The following TMTC2 variants were observed in gnomAD, a reference collection of about 807,000 sequenced individuals.
TMTC2 encodes the protein transmembrane O-mannosyltransferase targeting cadherins 2, also known as protein O-mannosyl-transferase TMTC2.
TMTC2 carries 43 observed loss-of-function variants against 82.4 expected under a neutral mutation model. That is an observed-to-expected ratio of 0.52 (90% CI 0.41 to 0.67). The LOEUF (loss-of-function observed/expected upper bound fraction) is 0.67. TMTC2 is among the 30% of genes least tolerant of loss of function. The pLI is 0.00. For missense variants in TMTC2, 919 were observed against 1,012.4 expected (o/e 0.91, Z 1.25); for synonymous variants, 408 against 381.9 (o/e 1.07, Z -0.80).
At chr12:82,688,564 A>G (rs774662622) in intron 1 of TMTC2, among the ~76,000 whole-genome samples, 7 of 152,202 alleles carry the variant, frequency 4.6e-5, no homozygotes, top group Non-Finnish European at 7.3e-5. Flanking sequence ...GAAAATTCCA[A>G]TTTGTGTCCT....
chr12:82,997,384 GTA>G (rs774148150), intron 8 of TMTC2, among the ~76,000 whole-genome samples: 1 of 29,702 alleles, frequency 3.4e-5, no homozygotes, highest in African/African-American at 7.8e-5. Flanking sequence ...ATATATATGT[GTA>G]TATATATATG....
chr12:83,086,458 G>A (rs543030126), intron 11 of TMTC2, among the ~76,000 whole-genome samples: 19 of 152,300 alleles, frequency 1.2e-4, no homozygotes, highest in East Asian at 3.9e-4. Flanking sequence ...CTTGATGGGC[G>A]TTGGTTCTGT....
At chr12:83,089,847 CAAAAAAA>C (rs200273951) in intron 11 of TMTC2, among the ~76,000 whole-genome samples, 8,272 of 135,780 alleles carry the variant, frequency 0.061, 339 homozygotes, top group East Asian at 0.23. Context: ...AAACAAAAAA[CAAAAAAA>C]AAAAAACTAT....
chr12:83,076,968 A>G (rs1470980502), intron 11 of TMTC2, among the ~76,000 whole-genome samples: 14 of 152,244 alleles, frequency 9.2e-5, no homozygotes, highest in African/African-American at 2.9e-4. Context: ...TTCTATTGAA[A>G]GTTCCATGTC....
intron 1 of TMTC2, among the ~76,000 whole-genome samples, chr12:82,747,746 A>G (rs1875764064): frequency 6.6e-6 from 1 of 152,176 alleles, no homozygotes; most frequent in South Asian, 2.1e-4. Context: ...TCATGGGAGT[A>G]GCTTTTTTAC....
intron 11 of TMTC2, among the ~76,000 whole-genome samples, chr12:83,124,527 T>C (rs750161627): frequency 9.3e-5 from 14 of 151,076 alleles, no homozygotes; most frequent in Non-Finnish European, 1.6e-4. Flanking sequence ...TATGGGAACA[T>C]AAAGAAGTAA....
intron 8 of TMTC2, among the ~76,000 whole-genome samples, chr12:83,021,588 C>A (rs1330022531): frequency 8.6e-6 from 1 of 115,844 alleles, no homozygotes; most frequent in Non-Finnish European, 1.9e-5. Context: ...GAGTGAGACC[C>A]CATCTATAAA....
chr12:82,942,880 T>C (rs1351981962), intron 4 of TMTC2, among the ~76,000 whole-genome samples: 2 of 152,246 alleles, frequency 1.3e-5, no homozygotes, highest in Non-Finnish European at 2.9e-5. Context: ...TTTCTTTCTA[T>C]TGCAGGTTTT....
At position 83,059,398 on chromosome 12, in the gene TMTC2, G is replaced by A. The variant is rs537345902; in HGVS notation, c.2268-2370G>A. Among the ~76,000 whole-genome samples, 6 of 151,872 alleles carry A rather than the reference G, an allele frequency of 4.0e-5. No homozygotes were observed. In the South Asian group the frequency reaches 1.2e-3, roughly 31 times the overall value. Reference sequence around the variant, plus strand: ...GAGAATAAAATGAGGATATAAATGAGCATTCCGTGGGTACAACTGACGTAT... The same window carrying A: ...GAGAATAAAATGAGGATATAAATGAACATTCCGTGGGTACAACTGACGTAT... On this transcript the variant is annotated intron_variant, in intron 10 of 11. Coordinates refer to ENST00000321196, the MANE Select transcript of TMTC2 (RefSeq NM_152588.3).
At chr12:82,757,756 G>A (rs1876417011) in intron 1 of TMTC2, among the ~76,000 whole-genome samples, 1 of 152,150 alleles carries the variant, frequency 6.6e-6, no homozygotes, top group African/African-American at 2.4e-5. Flanking sequence ...CAAATGCATT[G>A]CAAAATGCAC....
At chr12:83,005,405 CT>C (rs1319757082) in intron 8 of TMTC2, among the ~76,000 whole-genome samples, 1 of 151,820 alleles carries the variant, frequency 6.6e-6, no homozygotes, top group East Asian at 1.9e-4. Context: ...GATTCAGCAC[CT>C]TTGCAGTAGT....
At chr12:83,076,998 T>C (rs554734966) in intron 11 of TMTC2, among the ~76,000 whole-genome samples, 125 of 152,332 alleles carry the variant, frequency 8.2e-4, no homozygotes, top group African/African-American at 3.0e-3. Flanking sequence ...GAAGAAATAT[T>C]CTAAGACTTT....
At position 83,044,712 on chromosome 12, in the gene TMTC2, T is replaced by C. The variant is rs376057697; in HGVS notation, c.2153-6192T>C. ...CAAATGCTGTTTTCTAGTTGTTTTA[T>C]AAAAAAGATTTTTATTTGATTTTGA... is the stretch of plus-strand genomic sequence containing the variant. On this transcript the variant is annotated intron_variant, in intron 9 of 11. Transcript: ENST00000321196. Among the ~76,000 whole-genome samples the C allele has an allele frequency of 8.1e-4, 124 of 152,346 alleles. 3 individuals are homozygous for C. The South Asian group carries it at 0.024, about 29-fold the overall frequency.
chr12:82,688,274 G>T (rs929386466), intron 1 of TMTC2, among the ~76,000 whole-genome samples: 7 of 152,086 alleles, frequency 4.6e-5, no homozygotes, highest in African/African-American at 1.7e-4. Context: ...CAATCCATTG[G>T]GCAGCACTTT....
intron 1 of TMTC2, among the ~76,000 whole-genome samples, chr12:82,763,307 A>G (rs1182744171): frequency 2.0e-5 from 3 of 152,190 alleles, no homozygotes; most frequent in African/African-American, 7.2e-5. Context: ...ATCCAAGAAA[A>G]AGTGTTACAA....
chr12:82,963,272 C>G lies in TMTC2; in HGVS notation c.1599-1752C>G, dbSNP rs994424678. 1.6e-4 allele frequency among the ~76,000 whole-genome samples: 24 copies of G among 151,856 alleles called. 1 individual carries two copies. In the East Asian group the frequency reaches 4.7e-3, roughly 30 times the overall value. The stretch of plus-strand genomic sequence containing the variant: ...TCTTCTCCTATGTCTAAGAGGTACA[C>G]GAACATTTTTGTGTTCTTAAGAAAA... On this transcript the variant is annotated intron_variant, in intron 4 of 11. Coordinates refer to ENST00000321196, the MANE Select transcript of TMTC2 (RefSeq NM_152588.3).
Position 82,876,028 on chromosome 12 carries a change from C to CGGTGGTGGT in TMTC2, c.654+18480_654+18488dup, listed in dbSNP as rs748180026. On this transcript the variant is annotated intron_variant, in intron 2 of 11. Coordinates refer to ENST00000321196, the MANE Select transcript of TMTC2 (RefSeq NM_152588.3). ...GTAATGGTAATGGTAGTAGTGGTGG[C>CGGTGGTGGT]GGTGGTGGTGGTGGTGGTGGTGGTG... Among the ~76,000 whole-genome samples, 339 of 83,412 alleles carry CGGTGGTGGT rather than the reference C, an allele frequency of 4.1e-3. 14 individuals are homozygous for CGGTGGTGGT. Among genetic ancestry groups the CGGTGGTGGT allele is most frequent in the South Asian group, 8.6e-3 (16 of 1,870 alleles). 54.7% of individuals were successfully genotyped at this position (83,412 alleles called of 152,430 possible).
chr12:82,977,937 G>A (rs1394435742), intron 7 of TMTC2, among the ~76,000 whole-genome samples: 1 of 151,582 alleles, frequency 6.6e-6, no homozygotes. Context: ...AACACTGGAA[G>A]GAACCTAGAT....
rs142054768 is a variant in TMTC2 at position 82,701,163 on chromosome 12, G to A, written c.83+13494G>A. ...ATATGCAAAGTTATGATTTTTTACC[G>A]TATTGTAAGAATGATTCTATTCTAC... is the stretch of plus-strand genomic sequence containing the variant. On this transcript the variant is annotated intron_variant, in intron 1 of 11. Transcript: ENST00000321196. Among the ~76,000 whole-genome samples the A allele has an allele frequency of 3.0e-3, 454 of 152,120 alleles. 2 individuals carry two copies. Among genetic ancestry groups the A allele is most frequent in the African/African-American group, 0.01 (431 of 41,490 alleles).
Sources: allele counts gnomAD v4.1 joint callset (sites outside exome capture counted in the v4.1 genomes callset), GRCh38; gene constraint gnomAD v4.1.1; transcripts MANE v1.5; gene names NCBI Gene and HGNC (gene_info 2026-07-23, HGNC 2026-07-21).